The following EIPR1 variants were observed in gnomAD, a reference collection of about 807,000 sequenced individuals.
EIPR1 encodes EARP complex and GARP complex interacting protein 1, also known as EARP and GARP complex-interacting protein 1.
A neutral mutation model predicts 48.1 loss-of-function variants in EIPR1; 25 were observed. The observed-to-expected ratio is 0.52, with a 90% confidence interval of 0.38 to 0.73. EIPR1 has a LOEUF of 0.73. Ranked by LOEUF, EIPR1 falls within the 30% of genes least tolerant of loss-of-function variation. The pLI is 0.00. For missense variants in EIPR1, 415 were observed against 506.2 expected, an observed-to-expected ratio of 0.82 and a Z score of 1.73; for synonymous variants, 204 against 201.9, an observed-to-expected ratio of 1.01 and a Z score of -0.09.
At chr2:3,320,370 A>G (rs1452555855) in intron 3 of EIPR1, 1 of 163,320 alleles carries the variant, frequency 6.1e-6, no homozygotes. Flanking sequence ...ACCTGCGGGC[A>G]GGAAAACACC....
At chr2:3,324,117 C>A (rs1669618919) in intron 3 of EIPR1, among the ~76,000 whole-genome samples, 1 of 152,236 alleles carries the variant, frequency 6.6e-6, no homozygotes, top group Non-Finnish European at 1.5e-5. Flanking sequence ...GTAGTCAAGG[C>A]AGACGGAATT....
At chr2:3,257,192 C>G in intron 4 of EIPR1, 107 bp downstream of exon 4, 2 of 1,226,326 alleles carry the variant, frequency 1.6e-6, no homozygotes, top group Non-Finnish European at 2.2e-6. Flanking sequence ...AAGAAAGGAG[C>G]GTTTCCGAGG....
chr2:3,293,228 C>T (rs149515394), intron 3 of EIPR1, among the ~76,000 whole-genome samples: 2 of 152,304 alleles, frequency 1.3e-5, no homozygotes, highest in African/African-American at 4.8e-5. Context: ...CCCCTTGAGC[C>T]GGCCTGCAGC....
Position 3,189,188 on chromosome 2 carries a change from A to T in EIPR1, c.*146T>A. On this transcript the variant is annotated 3_prime_UTR_variant, in exon 9 of 9. Coordinates refer to ENST00000382125, the MANE Select transcript of EIPR1 (RefSeq NM_003310.5). The surrounding 1 kb of genome is among the most constrained non-coding windows in gnomAD (Gnocchi z 4.6). ...AATAGCCCCATTCACCCCATTCATA[A>T]ATGCTGCTGCTACAGGAAGGGAACA... 2 of 857,736 alleles carry T rather than the reference A, an allele frequency of 2.3e-6. No homozygotes were observed. The highest frequency in any genetic ancestry group is 3.3e-6 in the Non-Finnish European group (2 of 597,272). The allele number at this position is 857,736 out of a possible 1,614,324, so 53.1% of individuals were successfully genotyped here. A position where few individuals can be genotyped will look rare whatever the true frequency, so the allele number is the denominator to read the frequency against.
rs149251908 is a variant in EIPR1 at position 3,291,003 on chromosome 2, G to A, written c.260-33548C>T. Reference sequence around the variant, plus strand: ...TCCACGGGCCAGCCCTCAGTTTTCTGATTAGGAAGTAAACTGGGTCTAAAA... The same window carrying A: ...TCCACGGGCCAGCCCTCAGTTTTCTAATTAGGAAGTAAACTGGGTCTAAAA... On this transcript the variant is annotated intron_variant, in intron 3 of 8. Transcript: ENST00000382125. Among the ~76,000 whole-genome samples the A allele has an allele frequency of 5.4e-4, 82 of 152,282 alleles. No homozygotes were observed. In the East Asian group the frequency reaches 0.015, roughly 29 times the overall value.
At chr2:3,269,917 C>T (rs572216333) in intron 3 of EIPR1, among the ~76,000 whole-genome samples, 1 of 152,158 alleles carries the variant, frequency 6.6e-6, no homozygotes, top group East Asian at 1.9e-4. Flanking sequence ...AGCACCATCC[C>T]TCAGCTTGGG....
chr2:3,286,284 G>C lies in EIPR1; in HGVS notation c.260-28829C>G, dbSNP rs547576579. 6.6e-6 allele frequency among the ~76,000 whole-genome samples: 1 copy of C among 152,310 alleles called. No homozygotes were observed. Among genetic ancestry groups the C allele is most frequent in the African/African-American group, 2.4e-5 (1 of 41,562 alleles). ...AACCCAGGGTGATTCGACAACTGCC[G>C]TCACCGTGCCTGCCTGTGTATGACG... On this transcript the variant is annotated intron_variant, in intron 3 of 8. Coordinates refer to ENST00000382125, the MANE Select transcript of EIPR1 (RefSeq NM_003310.5). This position sits in a 1 kb window ranked among gnomAD's most constrained non-coding sequence, Gnocchi z 4.2.
At position 3,211,418 on chromosome 2, in the gene EIPR1, G is replaced by A. The variant is rs185943813; in HGVS notation, c.516+2731C>T. ...CACAAAGTTCCCAGCCCCTCCCCAC[G>A]AGCTCTGAGATTAAGCTCGGCTTCT... On this transcript the variant is annotated intron_variant, in intron 5 of 8. Coordinates refer to ENST00000382125, the MANE Select transcript of EIPR1 (RefSeq NM_003310.5). Among the ~76,000 whole-genome samples the A allele has an allele frequency of 2.4e-4, 37 of 152,188 alleles. 1 individual carries two copies. Among genetic ancestry groups the A allele is most frequent in the African/African-American group, 6.0e-4 (25 of 41,540 alleles).
intron 4 of EIPR1, among the ~76,000 whole-genome samples, chr2:3,236,597 C>T (rs1399702437): frequency 6.6e-6 from 1 of 152,188 alleles, no homozygotes; most frequent in African/African-American, 2.4e-5. Context: ...AGGCCAGGTA[C>T]CATTTCAGGA....
At chr2:3,319,951 AC>A (rs1558296172) in intron 3 of EIPR1, 2 of 153,486 alleles carry the variant, frequency 1.3e-5, no homozygotes. Context: ...GGGCAACACC[AC>A]CCCTGCGGGC....
At chr2:3,230,237 C>A (rs1449530969) in intron 4 of EIPR1, among the ~76,000 whole-genome samples, 15 of 152,022 alleles carry the variant, frequency 9.9e-5, no homozygotes, top group African/African-American at 3.6e-4. Context: ...AACGAATAAC[C>A]AAAAAACATG....
At chr2:3,370,033 A>T (rs2103392206) in intron 1 of EIPR1, among the ~76,000 whole-genome samples, 1 of 152,194 alleles carries the variant, frequency 6.6e-6, no homozygotes, top group East Asian at 1.9e-4. Context: ...TACTCCTCTG[A>T]GACAAAACTT....
At chr2:3,307,815 A>G (rs1668993662) in intron 3 of EIPR1, among the ~76,000 whole-genome samples, 1 of 152,254 alleles carries the variant, frequency 6.6e-6, no homozygotes, top group Non-Finnish European at 1.5e-5. Context: ...ACTTTACTGT[A>G]TATTTCAGAA....
chr2:3,377,502 T>G, intron 1 of EIPR1, 146 bp downstream of exon 1: 1 of 1,095,866 alleles, frequency 9.1e-7, no homozygotes, highest in Non-Finnish European at 1.3e-6. Flanking sequence ...AAAGCCTCAG[T>G]TTACTTCTCT....
chr2:3,223,516 G>A (rs1349268577), intron 4 of EIPR1, among the ~76,000 whole-genome samples: 3 of 152,170 alleles, frequency 2.0e-5, no homozygotes, highest in Admixed American at 6.5e-5. Flanking sequence ...GATGTTTTGC[G>A]CGTTCTTAAA....
At chr2:3,330,742 C>G (rs1018204799) in intron 3 of EIPR1, among the ~76,000 whole-genome samples, 1 of 147,434 alleles carries the variant, frequency 6.8e-6, no homozygotes, top group Non-Finnish European at 1.5e-5. Flanking sequence ...GAGGTAGGCA[C>G]GTGTACACTC....
At chr2:3,247,978 T>C (rs1398706336) in intron 4 of EIPR1, among the ~76,000 whole-genome samples, 2 of 152,082 alleles carry the variant, frequency 1.3e-5, no homozygotes, top group Non-Finnish European at 2.9e-5. Context: ...AGCGACATAG[T>C]CGAGATGTTT....
chr2:3,342,535 G>A (rs574800936), intron 2 of EIPR1, among the ~76,000 whole-genome samples: 5 of 152,322 alleles, frequency 3.3e-5, no homozygotes, highest in African/African-American at 1.2e-4. Context: ...CTGGCCCCTC[G>A]GCCTGGCTGC....
At chr2:3,222,768 C>A (rs969707186) in intron 4 of EIPR1, among the ~76,000 whole-genome samples, 1 of 152,164 alleles carries the variant, frequency 6.6e-6, no homozygotes, top group Non-Finnish European at 1.5e-5. Flanking sequence ...TAGATGGGTG[C>A]ATGATGACAT....
Sources: allele counts gnomAD v4.1 joint callset (sites outside exome capture counted in the v4.1 genomes callset), GRCh38; gene constraint gnomAD v4.1.1; non-coding constraint Gnocchi (gnomAD v3.1); transcripts MANE v1.5; gene names NCBI Gene and HGNC (gene_info 2026-07-23, HGNC 2026-07-21).